The following PCDHGB5 variants were observed in gnomAD, a reference collection of about 807,000 sequenced individuals.
PCDHGB5 encodes protocadherin gamma subfamily B, 5.
In PCDHGB5, 48 loss-of-function variants were observed where a neutral mutation model predicts 62.9. The ratio of observed to expected loss-of-function variants is 0.76; its 90% CI spans 0.61 to 0.97. The LOEUF is 0.97. Among genes scored for constraint, PCDHGB5 ranks in the 50% least tolerant of loss-of-function variants. The probability of loss-of-function intolerance (pLI) is 0.00; values close to 1 mark genes in which losing one functional copy is unlikely to be tolerated. For synonymous variants in PCDHGB5, 474 were observed against 511.2 expected (o/e 0.93, Z 0.98); for missense variants, 1,118 against 1,198.6 (o/e 0.93, Z 0.99).
chr5:141,476,417 C>A lies in PCDHGB5; in HGVS notation c.2398-18390C>A. ...GGATCGAGAGGAGCTGTGTGGGACA[C>A]TGCCCTCTTGCACTGTAACTCTGGA... is the stretch of plus-strand genomic sequence containing the variant. On this transcript the variant is annotated intron_variant, in intron 1 of 3. Coordinates refer to ENST00000617380, the MANE Select transcript of PCDHGB5 (RefSeq NM_018925.3). This position sits in a 1 kb window ranked among gnomAD's most constrained non-coding sequence, Gnocchi z 7.6. The A allele has an allele frequency of 6.2e-7, 1 of 1,614,112 alleles. No homozygotes were observed. The highest frequency in any genetic ancestry group is 8.5e-7 in the Non-Finnish European group (1 of 1,179,994).
At position 141,512,114 on chromosome 5, in the gene PCDHGB5, C is replaced by T. The variant is rs2099884080; in HGVS notation, c.*941C>T. ...TAACTAGGCTGGACCCTTCCCACTA[C>T]ATAATAGGGCTCAGCCCAGGCAGCC... On this transcript the variant is annotated 3_prime_UTR_variant, in exon 4 of 4. Coordinates refer to ENST00000617380, the MANE Select transcript of PCDHGB5 (RefSeq NM_018925.3). 2 of 152,696 alleles carry T rather than the reference C, an allele frequency of 1.3e-5. No homozygotes were observed. Among genetic ancestry groups the T allele is most frequent in the African/African-American group, 4.8e-5 (2 of 41,468 alleles). 9.5% of individuals were successfully genotyped at this position (152,696 alleles called of 1,614,324 possible).
chr5:141,487,100 C>A lies in PCDHGB5; in HGVS notation c.2398-7707C>A. ...CCCAGCTGACCTCCCACCACAGAAGCTGGTCATTGTGGTAAAGGATAGTGG... is the reference window on the plus strand; with the variant it reads ...CCCAGCTGACCTCCCACCACAGAAGATGGTCATTGTGGTAAAGGATAGTGG... On this transcript the variant is annotated intron_variant, in intron 1 of 3. Coordinates refer to ENST00000617380, the MANE Select transcript of PCDHGB5 (RefSeq NM_018925.3). This position sits in a 1 kb window ranked among gnomAD's most constrained non-coding sequence, Gnocchi z 5.0. The A allele has an allele frequency of 1.2e-6, 2 of 1,614,076 alleles. No homozygotes were observed. The highest frequency in any genetic ancestry group is 1.7e-6 in the Non-Finnish European group (2 of 1,179,960).
chr5:141,428,459 A>C, intron 1 of PCDHGB5: 2 of 350,154 alleles, frequency 5.7e-6, no homozygotes, highest in Non-Finnish European at 5.5e-6. Context: ...CCCAACTACA[A>C]TGAGGGAACT....
In PCDHGB5 at chr5:141,432,598, G is replaced by A; in HGVS notation, c.2397+32074G>A. The A allele has an allele frequency of 6.2e-7, 1 of 1,613,920 alleles. No individual in the cohort carries two copies. The highest frequency in any genetic ancestry group is 8.5e-7 in the Non-Finnish European group (1 of 1,179,972). On this transcript the variant is annotated intron_variant, in intron 1 of 3. Transcript: ENST00000617380. The surrounding 1 kb of genome is among the most constrained non-coding windows in gnomAD (Gnocchi z 6.0). ...CCTACCGTCTGCTCAAGGCCAGCGA[G>A]CCGGGACTCTTCTCGGTGGGTCTGC...
At chr5:141,468,194 G>A (rs959390749) in intron 1 of PCDHGB5, among the ~76,000 whole-genome samples, 21 of 151,716 alleles carry the variant, frequency 1.4e-4, no homozygotes, top group South Asian at 2.1e-4. Flanking sequence ...GCATGGTGGC[G>A]GGTGCCTGTA....
chr5:141,420,321 C>G (rs763682825), intron 1 of PCDHGB5: 2 of 1,410,974 alleles, frequency 1.4e-6, no homozygotes, highest in Non-Finnish European at 1.9e-6. Flanking sequence ...TACAATATGC[C>G]AATATATTCC....
chr5:141,465,858 C>T (rs2099110865), intron 1 of PCDHGB5, among the ~76,000 whole-genome samples: 1 of 152,034 alleles, frequency 6.6e-6, no homozygotes, highest in African/African-American at 2.4e-5. Context: ...CCCAGTGGCT[C>T]ATGCCTGTAA....
intron 1 of PCDHGB5, chr5:141,403,573 C>G: frequency 6.2e-7 from 1 of 1,613,946 alleles, no homozygotes; most frequent in South Asian, 1.1e-5. Context: ...AGGCAACTGC[C>G]CACCACCTGG....
chr5:141,433,299 T>G, intron 1 of PCDHGB5: 1 of 995,012 alleles, frequency 1.0e-6, no homozygotes, highest in Non-Finnish European at 1.5e-6. Flanking sequence ...GCTCAAGCAA[T>G]TATCCCACCT....
In PCDHGB5 at chr5:141,485,520, T is replaced by G. The variant is rs2099615008; in HGVS notation, c.2398-9287T>G. On this transcript the variant is annotated intron_variant, in intron 1 of 3. Transcript: ENST00000617380. This position sits in a 1 kb window ranked among gnomAD's most constrained non-coding sequence, Gnocchi z 5.7. ...TTTGTCACCGAAGGTCCTTTGGAAA[T>G]GTACCGAGCAGAGGTAGAGATCGTA... 1 of 1,614,108 alleles carries G rather than the reference T, an allele frequency of 6.2e-7. No homozygotes were observed. The highest frequency in any genetic ancestry group is 8.5e-7 in the Non-Finnish European group (1 of 1,180,012).
rs776677714 is a variant in PCDHGB5 at position 141,419,329 on chromosome 5, T to C, written c.2397+18805T>C. The C allele has an allele frequency of 7.4e-6, 12 of 1,613,842 alleles. 2 individuals carry two copies. The South Asian group carries it at 1.3e-4, about 18-fold the overall frequency. On this transcript the variant is annotated intron_variant, in intron 1 of 3. Coordinates refer to ENST00000617380, the MANE Select transcript of PCDHGB5 (RefSeq NM_018925.3). The stretch of plus-strand genomic sequence containing the variant: ...GGCTCAACGGCCGTGTCTCCTACTC[T>C]CTCATTGCCAGCGACCTGGAGTCAC...
intron 1 of PCDHGB5, among the ~76,000 whole-genome samples, chr5:141,451,329 A>G (rs991467686): frequency 2.6e-5 from 4 of 152,196 alleles, no homozygotes; most frequent in African/African-American, 9.6e-5. Context: ...ACCTAAGGCT[A>G]TTGTCTTATC....
At chr5:141,462,039 T>A (rs569871892) in intron 1 of PCDHGB5, among the ~76,000 whole-genome samples, 1 of 152,276 alleles carries the variant, frequency 6.6e-6, no homozygotes, top group Non-Finnish European at 1.5e-5. Flanking sequence ...GTCAGGCGGG[T>A]CTTGAACTCC....
intron 1 of PCDHGB5, chr5:141,409,404 A>T: frequency 5.0e-6 from 8 of 1,614,046 alleles, no homozygotes; most frequent in Non-Finnish European, 6.8e-6. Flanking sequence ...TCCAATAACT[A>T]CTACAAACTG....
At chr5:141,448,415 T>C (rs1286455437) in intron 1 of PCDHGB5, among the ~76,000 whole-genome samples, 2 of 152,158 alleles carry the variant, frequency 1.3e-5, no homozygotes, top group African/African-American at 2.4e-5. Context: ...ATCAAAACAA[T>C]ATACTATGTA....
At chr5:141,437,761 C>T (rs1200327020) in intron 1 of PCDHGB5, among the ~76,000 whole-genome samples, 1 of 144,680 alleles carries the variant, frequency 6.9e-6, no homozygotes, top group African/African-American at 2.6e-5. Context: ...TTTTTTGAGA[C>T]AGAGTCTCAA....
Position 141,431,180 on chromosome 5 carries a change from A to C in PCDHGB5, c.2397+30656A>C. The C allele has an allele frequency of 6.2e-7, 1 of 1,614,246 alleles. No homozygotes were observed. The highest frequency in any genetic ancestry group is 8.5e-7 in the Non-Finnish European group (1 of 1,180,044). On this transcript the variant is annotated intron_variant, in intron 1 of 3. Transcript: ENST00000617380. This position sits in a 1 kb window ranked among gnomAD's most constrained non-coding sequence, Gnocchi z 4.8. ...CTTTCGTGAAAGTGAATTAGAAATA[A>C]AAATTAGTGAAAATGCAGCCACTGA...
chr5:141,489,229 G>A lies in PCDHGB5; in HGVS notation c.2398-5578G>A, dbSNP rs1188849525. 5.9e-6 allele frequency: 9 copies of A among 1,522,134 alleles called. No homozygotes were observed. In the Admixed American group the frequency reaches 6.4e-5, roughly 11 times the overall value. 94.3% of individuals were successfully genotyped at this position (1,522,134 alleles called of 1,614,324 possible). On this transcript the variant is annotated intron_variant, in intron 1 of 3. Transcript: ENST00000617380. The surrounding 1 kb of genome is among the most constrained non-coding windows in gnomAD (Gnocchi z 4.5). The stretch of plus-strand genomic sequence containing the variant: ...AGCACAGACTTACTCTCCACAAAGG[G>A]ACTTCTGGGTCATGGGGCCCAAGAC...
Position 141,485,119 on chromosome 5 carries a change from C to A in PCDHGB5, c.2398-9688C>A. 3.0e-6 allele frequency: 4 copies of A among 1,328,812 alleles called. No homozygotes were observed. Among genetic ancestry groups the A allele is most frequent in the Non-Finnish European group, 4.3e-6 (4 of 935,940 alleles). The allele number at this position is 1,328,812 out of a possible 1,614,324, so 82.3% of individuals were successfully genotyped here. ...CTCCAGCTGCTGTGGCTGTTTGGGG[C>A]GGGTCGGCTTCATCCGCGTCTCAGG... On this transcript the variant is annotated intron_variant, in intron 1 of 3. Transcript: ENST00000617380. This position sits in a 1 kb window ranked among gnomAD's most constrained non-coding sequence, Gnocchi z 5.7.
Sources: allele counts gnomAD v4.1 joint callset (sites outside exome capture counted in the v4.1 genomes callset), GRCh38; gene constraint gnomAD v4.1.1; non-coding constraint Gnocchi (gnomAD v3.1); transcripts MANE v1.5; gene names NCBI Gene and HGNC (gene_info 2026-07-23, HGNC 2026-07-21).